VWDE: variants seen among roughly 807,000 people sequenced by gnomAD.
The protein encoded by VWDE is von Willebrand factor D and EGF domains, also known as von Willebrand factor D and EGF domain-containing protein.
A neutral mutation model predicts 178.4 loss-of-function variants in VWDE; 207 were observed. The observed-to-expected ratio is 1.16, with a 90% CI of 1.04 to 1.30. VWDE has a LOEUF of 1.30. VWDE is among the 50% of genes most tolerant of loss of function. The pLI is 0.00. For missense variants in VWDE, 2,287 were observed against 1,901.3 expected (o/e 1.20, Z -3.77); for synonymous variants, 738 against 651.4 (o/e 1.13, Z -2.02).
At chr7:12,347,599 G>A (rs1781675345) in intron 19 of VWDE, among the ~76,000 whole-genome samples, 1 of 151,990 alleles carries the variant, frequency 6.6e-6, no homozygotes, top group Non-Finnish European at 1.5e-5. Flanking sequence ...ACATATAAGG[G>A]ACTTTAAATA....
At chr7:12,371,403 A>C (rs908270465) in intron 10 of VWDE, among the ~76,000 whole-genome samples, 1 of 152,074 alleles carries the variant, frequency 6.6e-6, no homozygotes, top group African/African-American at 2.4e-5. Flanking sequence ...GAATGACCCT[A>C]GTAGCCTGTG....
chr7:12,339,145 C>T (rs73292385), intron 24 of VWDE, among the ~76,000 whole-genome samples: 2,839 of 152,212 alleles, frequency 0.019, 84 homozygotes, highest in African/African-American at 0.064. Flanking sequence ...CCTACTCTCT[C>T]CCCACAATGA....
intron 17 of VWDE, 122 bp from the exon 18 acceptor site, chr7:12,356,452 A>T: frequency 1.5e-6 from 1 of 663,572 alleles, no homozygotes; most frequent in Non-Finnish European, 2.4e-6. Context: ...CTTATATTTG[A>T]TATATATACA....
chr7:12,352,858 C>A (rs1782018995), intron 18 of VWDE, among the ~76,000 whole-genome samples: 1 of 152,136 alleles, frequency 6.6e-6, no homozygotes, highest in African/African-American at 2.4e-5. Flanking sequence ...CTCTTTTAAT[C>A]TTTTAAAATG....
rs1783081402 is a variant in VWDE at position 12,369,937 on chromosome 7, T to A, written c.2369A>T (p.Glu790Val). ...PEDHAEDVQQ[E>V]FFPSWPTPSG... Reference sequence around the variant, plus strand: ...GGGAGTGGGCCAAGAGGGGAAAAACTCTTGCTGTACATCCTCAGCATGGTC... The same window carrying A: ...GGGAGTGGGCCAAGAGGGGAAAAACACTTGCTGTACATCCTCAGCATGGTC... Residue 790 changes from glutamate (E) to valine (V), a missense_variant, in exon 12 of 29, where the codon GAG (glutamate) becomes GTG (valine). Glu to Val is a moderately radical substitution (Grantham distance 121). Transcript: ENST00000275358. 1.3e-6 allele frequency: 2 copies of A among 1,551,430 alleles called. No individual in the cohort carries two copies.
chr7:12,339,939 A>G (rs116238909), intron 24 of VWDE, among the ~76,000 whole-genome samples: 1,544 of 152,226 alleles, frequency 0.01, 33 homozygotes, highest in African/African-American at 0.034. Flanking sequence ...ACTAAGGTGA[A>G]AAGAGATTAT....
chr7:12,385,802 GT>G (rs1054669440), intron 3 of VWDE, among the ~76,000 whole-genome samples: 8 of 109,756 alleles, frequency 7.3e-5, no homozygotes, highest in Non-Finnish European at 1.3e-4. Flanking sequence ...GACATTAAGA[GT>G]AAAAAAATAA....
chr7:12,376,659 T>A (rs192782578), intron 7 of VWDE, among the ~76,000 whole-genome samples: 1 of 152,218 alleles, frequency 6.6e-6, no homozygotes, highest in East Asian at 1.9e-4. Flanking sequence ...AATACACTTT[T>A]CAGAGCTAAC....
In VWDE at chr7:12,367,426, C is replaced by A; in HGVS notation, c.2829G>T (p.Met943Ile). ...AGCCTTTGCCAAAAACTCTCACCAT[C>A]ATACAATTATATTTTTGAACATCAC... ...GFCDVQKYNC[M>I]MVRVFGKGFK... is the part of the protein sequence containing the mutation. Residue 943 changes from methionine to isoleucine, a missense_variant, in exon 13 of 29, where the codon ATG (methionine) becomes ATT (isoleucine). Physicochemically the swap from Met to Ile is conservative, Grantham distance 10 (BLOSUM62 1). Coordinates refer to ENST00000275358, the MANE Select transcript of VWDE (RefSeq NM_001135924.3). 2 of 1,546,828 alleles carry A rather than the reference C, an allele frequency of 1.3e-6. No homozygotes were observed. The highest frequency in any genetic ancestry group is 1.7e-6 in the Non-Finnish European group (2 of 1,144,466).
Position 12,344,375 on chromosome 7 carries a change from A to C in VWDE, c.3981T>G (p.Thr1327=). 1 of 1,550,784 alleles carries C rather than the reference A, an allele frequency of 6.4e-7. No homozygotes were observed. Among genetic ancestry groups the C allele is most frequent in the Non-Finnish European group, 8.7e-7 (1 of 1,146,414 alleles). The change falls in exon 20 of 29, where the codon ACT becomes ACG. Residue 1327 remains threonine (T), a splice_region_variant and synonymous_variant. Coordinates refer to ENST00000275358, the MANE Select transcript of VWDE (RefSeq NM_001135924.3). The part of the protein sequence containing the change: ...KPGYIGSNCQ[T]ALCDPDCKNH... ...AAACTAATGAATGATGTTACCTACC[A>C]GTTTGGCAGTTAGAACCAATGTAAC...
chr7:12,378,064 T>G (rs17191008), intron 6 of VWDE, 144 bp from the exon 7 acceptor site: 58,861 of 556,852 alleles, frequency 0.11, 4,050 homozygotes, highest in Non-Finnish European at 0.13. Flanking sequence ...GCAAGACCAT[T>G]AAAATCAAAC....
At chr7:12,344,106 G>A in intron 21 of VWDE, 89 bp downstream of exon 21, 1 of 1,085,382 alleles carries the variant, frequency 9.2e-7, no homozygotes, top group Non-Finnish European at 1.3e-6. Flanking sequence ...TATATACACA[G>A]TAAAACTGAA....
At position 12,369,984 on chromosome 7, in the gene VWDE, T is replaced by C. The variant is rs1204759579; in HGVS notation, c.2322A>G (p.Glu774=). ...FPSLSQTDLE[E]LTYFFPEDHA... is the part of the protein sequence containing the mutation. Reference sequence around the variant, plus strand: ...GGTCCTCTGGGAAAAAATAAGTAAGTTCTTCCAGATCCGTTTGGCTGAGAC... The same window carrying C: ...GGTCCTCTGGGAAAAAATAAGTAAGCTCTTCCAGATCCGTTTGGCTGAGAC... Residue 774 remains glutamate (E), a synonymous_variant, in exon 12 of 29, where the codon GAA becomes GAG. Transcript: ENST00000275358. 2.6e-6 allele frequency: 4 copies of C among 1,551,344 alleles called. No homozygotes were observed. The African/African-American group carries it at 5.5e-5, about 21-fold the overall frequency.
chr7:12,368,750 A>G (rs1472008815), intron 12 of VWDE, among the ~76,000 whole-genome samples: 2 of 152,118 alleles, frequency 1.3e-5, no homozygotes, highest in Admixed American at 6.6e-5. Context: ...TAGTTTTGGG[A>G]GAATCTACGA....
chr7:12,389,468 T>TA (rs1046703934), intron 2 of VWDE, 110 bp from the exon 3 acceptor site: 6 of 788,010 alleles, frequency 7.6e-6, no homozygotes, highest in South Asian at 5.9e-5. Context: ...CATTAATCAT[T>TA]AAAAAAATTA....
chr7:12,340,146 A>C (rs1039897961), intron 24 of VWDE, among the ~76,000 whole-genome samples, 176 bp downstream of exon 24: 15 of 152,184 alleles, frequency 9.9e-5, no homozygotes, highest in Non-Finnish European at 1.6e-4. Flanking sequence ...GTTTTACATA[A>C]TAACTTTGAT....
intron 2 of VWDE, among the ~76,000 whole-genome samples, chr7:12,390,033 C>T (rs746599305): frequency 2.6e-5 from 4 of 151,998 alleles, no homozygotes; most frequent in East Asian, 1.9e-4. Context: ...GGTGTGGTGG[C>T]GTGCGCCTGT....
chr7:12,382,202 A>T (rs961596325), intron 4 of VWDE, among the ~76,000 whole-genome samples: 1 of 151,822 alleles, frequency 6.6e-6, no homozygotes, highest in African/African-American at 2.4e-5. Flanking sequence ...AATTAATTGC[A>T]TAAATGTTCT....
chr7:12,389,223 A>C lies in VWDE; in HGVS notation c.379T>G (p.Cys127Gly). Reference sequence around the variant, plus strand: ...ACAGACACTGGGATTTGAAAGAGACAGCAGTCTTTTGTAGTGCTGAACAAA... The same window carrying C: ...ACAGACACTGGGATTTGAAAGAGACCGCAGTCTTTTGTAGTGCTGAACAAA... ...QFLFSTTKDC[C>G]LFQIPVSVRN... The change falls in exon 3 of 29, where the codon TGT becomes GGT. Residue 127 changes from cysteine to glycine, a missense_variant. Transcript: ENST00000275358. 6.4e-7 allele frequency: 1 copy of C among 1,551,778 alleles called. No homozygotes were observed. Among genetic ancestry groups the C allele is most frequent in the Non-Finnish European group, 8.7e-7 (1 of 1,147,002 alleles).
Sources: allele counts gnomAD v4.1 joint callset (sites outside exome capture counted in the v4.1 genomes callset), GRCh38; gene constraint gnomAD v4.1.1; transcripts MANE v1.5; gene names NCBI Gene and HGNC (gene_info 2026-07-23, HGNC 2026-07-21).